INVS: variants seen among roughly 807,000 people sequenced by gnomAD.
INVS encodes inversion of embryo turning homolog.
A neutral mutation model predicts 108.8 loss-of-function variants in INVS; 86 were observed. That is an observed-to-expected ratio of 0.79 (90% confidence interval 0.66 to 0.95). The LOEUF (loss-of-function observed/expected upper bound fraction) is 0.95, where lower values mean the gene tolerates loss of function less well. Ranked by LOEUF, INVS falls within the 40% of genes least tolerant of loss-of-function variation. The pLI, the probability that INVS is intolerant of heterozygous loss-of-function variation, is 0.00. For missense variants in INVS, 1,169 were observed against 1,297.4 expected (o/e 0.90, Z 1.52); for synonymous variants, 455 against 473.5 (o/e 0.96, Z 0.51).
At chr9:100,138,969 G>A (rs887153742) in intron 3 of INVS, among the ~76,000 whole-genome samples, 2 of 152,140 alleles carry the variant, frequency 1.3e-5, no homozygotes, top group African/African-American at 4.8e-5. Flanking sequence ...GCCTCCCAAA[G>A]TGCTGGGATT....
At chr9:100,231,806 A>G (rs1044909892) in intron 5 of INVS, among the ~76,000 whole-genome samples, 1 of 152,268 alleles carries the variant, frequency 6.6e-6, no homozygotes, top group Non-Finnish European at 1.5e-5. Context: ...TAATACTGCA[A>G]TAAACATATG....
chr9:100,139,555 A>G (rs1828353091), intron 3 of INVS, among the ~76,000 whole-genome samples: 1 of 152,246 alleles, frequency 6.6e-6, no homozygotes, highest in Non-Finnish European at 1.5e-5. Context: ...TATCTGAAAC[A>G]AGACCTTACC....
At chr9:100,190,258 A>G (rs1830180775) in intron 3 of INVS, among the ~76,000 whole-genome samples, 1 of 152,014 alleles carries the variant, frequency 6.6e-6, no homozygotes, top group South Asian at 2.1e-4. Context: ...CTTTACCTTG[A>G]GTCTGTAAGA....
At chr9:100,218,463 C>A (rs1031788837) in intron 3 of INVS, among the ~76,000 whole-genome samples, 3 of 152,066 alleles carry the variant, frequency 2.0e-5, no homozygotes, top group African/African-American at 7.2e-5. Flanking sequence ...AAGCAAATAG[C>A]AAAGGCCCCA....
At chr9:100,194,037 AC>A (rs1830302889) in intron 3 of INVS, among the ~76,000 whole-genome samples, 1 of 152,252 alleles carries the variant, frequency 6.6e-6, no homozygotes, top group Admixed American at 6.5e-5. Context: ...GATGGTAAGA[AC>A]ATTCATCTGT....
At chr9:100,117,369 T>C (rs1827567314) in intron 2 of INVS, 10 of 756,330 alleles carry the variant, frequency 1.3e-5, no homozygotes, top group South Asian at 1.2e-4. Flanking sequence ...TCAGATTCAT[T>C]AATGGGCAGG....
chr9:100,116,081 T>C (rs1827513346), intron 2 of INVS, among the ~76,000 whole-genome samples: 1 of 149,614 alleles, frequency 6.7e-6, no homozygotes, highest in African/African-American at 2.5e-5. Flanking sequence ...TCTGTTGGCT[T>C]TTAATTTCTT....
intron 3 of INVS, among the ~76,000 whole-genome samples, chr9:100,127,388 T>A (rs1410619196): frequency 6.6e-6 from 1 of 152,142 alleles, no homozygotes; most frequent in Non-Finnish European, 1.5e-5. Context: ...TTTTTAAGAT[T>A]AAACCCATCA....
intron 3 of INVS, among the ~76,000 whole-genome samples, chr9:100,158,204 T>C (rs117871830): frequency 1.3e-3 from 200 of 152,306 alleles, no homozygotes; most frequent in Non-Finnish European, 2.0e-3. Context: ...TCATAGGATA[T>C]ATTTTAGCTG....
At chr9:100,145,507 C>T (rs553033626) in intron 3 of INVS, among the ~76,000 whole-genome samples, 1 of 151,542 alleles carries the variant, frequency 6.6e-6, no homozygotes, top group Non-Finnish European at 1.5e-5. Context: ...AATAAGGGAT[C>T]AGGGGGTTCT....
intron 3 of INVS, among the ~76,000 whole-genome samples, chr9:100,170,722 T>C (rs1218584621): frequency 6.6e-6 from 1 of 152,130 alleles, no homozygotes; most frequent in East Asian, 1.9e-4. Flanking sequence ...CTCTTGAGGT[T>C]AGATGAGAAT....
intron 2 of INVS, among the ~76,000 whole-genome samples, chr9:100,105,777 C>G (rs527696327): frequency 1.0e-4 from 15 of 149,812 alleles, no homozygotes; most frequent in African/African-American, 3.4e-4. Context: ...AGTTTTCCTT[C>G]TGTCTTTTCC....
chr9:100,255,028 A>G (rs1326539993), intron 10 of INVS, among the ~76,000 whole-genome samples: 3 of 152,144 alleles, frequency 2.0e-5, no homozygotes, highest in Non-Finnish European at 4.4e-5. Flanking sequence ...TTTTCACGAT[A>G]TTGATTCTTC....
At chr9:100,231,365 TTTA>T (rs1831506828) in intron 5 of INVS, among the ~76,000 whole-genome samples, 2 of 152,204 alleles carry the variant, frequency 1.3e-5, no homozygotes, top group Non-Finnish European at 2.9e-5. Flanking sequence ...TTAGATTTTT[TTTA>T]TTATTATACT....
intron 3 of INVS, among the ~76,000 whole-genome samples, chr9:100,220,997 C>T (rs974254807): frequency 6.6e-6 from 1 of 151,008 alleles, no homozygotes; most frequent in Admixed American, 6.6e-5. Flanking sequence ...AATAGATTAA[C>T]TTCCAAATCC....
intron 3 of INVS, among the ~76,000 whole-genome samples, chr9:100,163,270 TC>T (rs1222136962): frequency 5.3e-5 from 8 of 151,722 alleles, no homozygotes; most frequent in African/African-American, 1.7e-4. Flanking sequence ...ACTTAGCTGT[TC>T]CAGTAACAAA....
At chr9:100,211,079 A>G (rs922351671) in intron 3 of INVS, among the ~76,000 whole-genome samples, 6 of 152,080 alleles carry the variant, frequency 3.9e-5, no homozygotes, top group Non-Finnish European at 7.4e-5. Flanking sequence ...GGGAGGGCCT[A>G]TGTGTTTTCA....
intron 1 of INVS, among the ~76,000 whole-genome samples, chr9:100,104,219 CT>C (rs1010688604): frequency 2.6e-5 from 4 of 152,126 alleles, no homozygotes; most frequent in East Asian, 1.9e-4. Context: ...AGGACTATAG[CT>C]TTTTTTCTTT....
intron 3 of INVS, among the ~76,000 whole-genome samples, chr9:100,172,841 C>T (rs1012948133): frequency 2.0e-5 from 3 of 152,060 alleles, no homozygotes; most frequent in African/African-American, 7.2e-5. Context: ...GCTATTCGAC[C>T]CAGTGAGTCA....
Sources: allele counts gnomAD v4.1 joint callset (sites outside exome capture counted in the v4.1 genomes callset), GRCh38; gene constraint gnomAD v4.1.1; transcripts MANE v1.5; gene names NCBI Gene and HGNC (gene_info 2026-07-23, HGNC 2026-07-21).